Variants in NRG1 observed in about 807,000 individuals in gnomAD.
NRG1 encodes the protein neuregulin 1.
NRG1 carries 18 observed loss-of-function variants against 63.8 expected under a neutral mutation model. The observed-to-expected ratio is 0.28, with a 90% CI of 0.19 to 0.42. The LOEUF (loss-of-function observed/expected upper bound fraction) is 0.42, where lower values mean the gene tolerates loss of function less well. Among genes scored for constraint, NRG1 ranks in the 10% least tolerant of loss-of-function variants. NRG1 has a pLI of 1.00. For synonymous variants in NRG1, 302 were observed against 301.3 expected, an observed-to-expected ratio of 1.00 and a Z score of -0.02; for missense variants, 762 against 814.7, an observed-to-expected ratio of 0.94 and a Z score of 0.79.
chr8:31,655,004 C>T (rs1329050118), intron 1 of NRG1, among the ~76,000 whole-genome samples: 2 of 152,134 alleles, frequency 1.3e-5, no homozygotes, highest in African/African-American at 4.8e-5. Context: ...GCCTCCAAAT[C>T]CCATTCCTTT....
chr8:32,768,951 T>G (rs1831616334), downstream of NRG1, among the ~76,000 whole-genome samples: 1 of 152,202 alleles, frequency 6.6e-6, no homozygotes, highest in Admixed American at 6.5e-5. Flanking sequence ...AAATTGTAGC[T>G]TTTGACTGAG....
At chr8:32,534,887 C>T (rs987961994) in intron 1 of NRG1, among the ~76,000 whole-genome samples, 8 of 151,992 alleles carry the variant, frequency 5.3e-5, no homozygotes, top group African/African-American at 1.9e-4. Context: ...AAGATTGTTC[C>T]AGGATTTAAA....
chr8:32,628,692 C>T lies in NRG1; in HGVS notation c.502+11807C>T, dbSNP rs150955354. 3.3e-5 allele frequency among the ~76,000 whole-genome samples: 5 copies of T among 150,442 alleles called. No homozygotes were observed. The East Asian group carries it at 9.8e-4, about 29-fold the overall frequency. ...GAAAAATGGAAAGTAACATGCACTA[C>T]ATGTGTACACACAGAAACAAGTATA... On this transcript the variant is annotated intron_variant, in intron 5 of 11. Coordinates refer to ENST00000356819, the Ensembl canonical transcript of NRG1.
chr8:32,112,113 A>C (rs891384046), intron 1 of NRG1, among the ~76,000 whole-genome samples: 5 of 152,218 alleles, frequency 3.3e-5, no homozygotes, highest in African/African-American at 1.2e-4. Flanking sequence ...TGTTAAAAGC[A>C]ATGCTCACAA....
chr8:31,813,516 C>CTTTTCTTCTCT lies in NRG1; in HGVS notation c.37+174089_37+174090insCTTCTCTTTTT. Among the ~76,000 whole-genome samples, 3 of 101,216 alleles carry CTTTTCTTCTCT rather than the reference C, an allele frequency of 3.0e-5. No individual in the cohort carries two copies. The East Asian group carries it at 1.1e-3, about 36-fold the overall frequency. The allele number at this position is 101,216 out of a possible 152,430, so 66.4% of individuals were successfully genotyped here. On this transcript the variant is annotated intron_variant, in intron 1 of 10. Coordinates refer to the NRG1 transcript ENST00000519301. ...ATTTTCTTTTCTTTTCTTTTCTTTT[C>CTTTTCTTCTCT]TTTTTTTTTTTTTTTTTGTTTTTTG...
At chr8:32,655,521 G>T (rs1167938492) in intron 5 of NRG1, among the ~76,000 whole-genome samples, 1 of 152,108 alleles carries the variant, frequency 6.6e-6, no homozygotes, top group Non-Finnish European at 1.5e-5. Context: ...TTCTATCAGG[G>T]TTCGTGTATG....
At chr8:32,535,174 T>C (rs1588150637) in intron 1 of NRG1, among the ~76,000 whole-genome samples, 1 of 152,200 alleles carries the variant, frequency 6.6e-6, no homozygotes, top group African/African-American at 2.4e-5. Flanking sequence ...GTTTGGGTTA[T>C]TTGTACAGAT....
At chr8:32,605,683 G>A (rs78513616) in exon 3 of NRG1, 21 of 1,612,278 alleles carry the variant, frequency 1.3e-5, no homozygotes, top group Non-Finnish European at 1.6e-5. Context: ...GGAATCAAAC[G>A]GTAAGAGATA....
intron 1 of NRG1, among the ~76,000 whole-genome samples, chr8:32,415,368 A>T (rs1224362159): frequency 1.4e-5 from 2 of 146,484 alleles, no homozygotes; most frequent in Non-Finnish European, 3.0e-5. Flanking sequence ...TCTGTCTCAA[A>T]AAAAAAAAAA....
chr8:32,536,863 G>T, intron 1 of NRG1, among the ~76,000 whole-genome samples: 1 of 141,770 alleles, frequency 7.1e-6, no homozygotes, highest in East Asian at 2.2e-4. Flanking sequence ...GGCGGAGCTT[G>T]CAGTGAGCGG....
At chr8:32,127,308 G>A (rs1244099226) in intron 1 of NRG1, among the ~76,000 whole-genome samples, 1 of 151,808 alleles carries the variant, frequency 6.6e-6, no homozygotes, top group Non-Finnish European at 1.5e-5. Flanking sequence ...AGCCTAATCT[G>A]AGCCCTCTAT....
At chr8:31,833,448 G>A (rs978984436) in intron 1 of NRG1, among the ~76,000 whole-genome samples, 2 of 152,188 alleles carry the variant, frequency 1.3e-5, no homozygotes, top group Non-Finnish European at 2.9e-5. Context: ...TTTCTGAAAA[G>A]AACATCCCTG....
chr8:32,074,297 C>T (rs968734232), intron 1 of NRG1, among the ~76,000 whole-genome samples: 1 of 152,098 alleles, frequency 6.6e-6, no homozygotes, highest in Non-Finnish European at 1.5e-5. Context: ...GTAACAGTTC[C>T]TAGTAATAGT....
intron 5 of NRG1, among the ~76,000 whole-genome samples, chr8:32,631,457 G>T (rs1029831406): frequency 1.3e-5 from 2 of 152,154 alleles, no homozygotes; most frequent in Non-Finnish European, 2.9e-5. Flanking sequence ...ACTGCTGCTG[G>T]GGTAAGCGAC....
At chr8:32,231,535 T>A (rs116423931) in intron 1 of NRG1, among the ~76,000 whole-genome samples, 3,297 of 152,294 alleles carry the variant, frequency 0.022, 107 homozygotes, top group African/African-American at 0.072. Context: ...TAGTTTATAT[T>A]GCTGTCTCAA....
At chr8:32,232,442 A>T (rs1289548198) in intron 1 of NRG1, among the ~76,000 whole-genome samples, 5 of 152,164 alleles carry the variant, frequency 3.3e-5, no homozygotes, top group Non-Finnish European at 5.9e-5. Context: ...AGTAAGATCA[A>T]TTCCTAAAAA....
At chr8:32,236,564 G>A (rs1433170187) in intron 1 of NRG1, among the ~76,000 whole-genome samples, 1 of 152,126 alleles carries the variant, frequency 6.6e-6, no homozygotes, top group Non-Finnish European at 1.5e-5. Context: ...TAGTAGGGAT[G>A]GAAATGGGTT....
intron 1 of NRG1, among the ~76,000 whole-genome samples, chr8:32,264,146 C>CT (rs1436606906): frequency 1.3e-5 from 2 of 152,058 alleles, no homozygotes; most frequent in East Asian, 1.9e-4. Flanking sequence ...TTAATTACCA[C>CT]TTTTTTGAAA....
intron 1 of NRG1, among the ~76,000 whole-genome samples, chr8:31,851,941 T>A (rs1436894079): frequency 6.6e-6 from 1 of 151,144 alleles, no homozygotes; most frequent in Non-Finnish European, 1.5e-5. Context: ...CATGAACTCA[T>A]CCTTTTTTAT....
Sources: allele counts gnomAD v4.1 joint callset (sites outside exome capture counted in the v4.1 genomes callset), GRCh38; gene constraint gnomAD v4.1.1; transcripts MANE v1.5; gene names NCBI Gene and HGNC (gene_info 2026-07-23, HGNC 2026-07-21).